GDAP1: variants seen among roughly 807,000 people sequenced by gnomAD.
The protein encoded by GDAP1 is ganglioside-induced differentiation-associated protein 1.
A neutral mutation model predicts 40.1 loss-of-function variants in GDAP1; 34 were observed. The observed-to-expected ratio is 0.85, with a 90% CI of 0.64 to 1.13. The LOEUF (loss-of-function observed/expected upper bound fraction) is 1.13, where lower values mean the gene tolerates loss of function less well. GDAP1 is among the 50% of genes most tolerant of loss of function. GDAP1 has a pLI of 0.00. For synonymous variants in GDAP1, 170 were observed against 157.4 expected (o/e 1.08, Z -0.60); for missense variants, 374 against 433.7 (o/e 0.86, Z 1.22).
At position 74,406,906 on chromosome 8, in the gene GDAP1, G is replaced by A. The variant is rs11776023; in HGVS notation, c.165+55585G>A. On this transcript the variant is annotated intron_variant, in intron 2 of 2. Transcript: ENST00000523640. ...GAATACCTGTTGGTAGCTGAGTGCA[G>A]TTAACTCACAAGGGAAGGTTTACTT... 2.7e-3 allele frequency among the ~76,000 whole-genome samples: 410 copies of A among 149,940 alleles called. 13 individuals carry two copies. Among genetic ancestry groups the A allele is most frequent in the Non-Finnish European group, 4.5e-3 (307 of 68,008 alleles).
chr8:74,480,462 G>T (rs1216484626), intron 2 of GDAP1, among the ~76,000 whole-genome samples: 1 of 152,182 alleles, frequency 6.6e-6, no homozygotes, highest in African/African-American at 2.4e-5. Context: ...TAGAATATTG[G>T]TTGCACAGGC....
intron 2 of GDAP1, among the ~76,000 whole-genome samples, chr8:74,422,284 CTTTT>C (rs1375897104): frequency 5.4e-4 from 48 of 88,098 alleles, no homozygotes; most frequent in Middle Eastern, 6.4e-3. Flanking sequence ...TTTCTTTTTT[CTTTT>C]CTTTCTTTCT....
intron 2 of GDAP1, among the ~76,000 whole-genome samples, chr8:74,457,846 G>C (rs942078597): frequency 2.0e-5 from 3 of 152,048 alleles, no homozygotes; most frequent in African/African-American, 7.2e-5. Flanking sequence ...AGTGATCAGA[G>C]GCAAATCTCT....
rs376868259 is a variant in GDAP1 at position 74,350,466 on chromosome 8, C to G, written c.5C>G (p.Ala2Gly). 7.4e-5 allele frequency: 119 copies of G among 1,605,354 alleles called. 1 individual carries two copies. The South Asian group carries it at 1.1e-3, about 15-fold the overall frequency. Residue 2 changes from alanine (A) to glycine (G), a missense_variant, in exon 1 of 6, where the codon GCT (alanine) becomes GGT (glycine). By Grantham distance (60) the Ala-to-Gly change is moderately conservative. Coordinates refer to ENST00000220822, the MANE Select transcript of GDAP1 (RefSeq NM_018972.4). MAERQEEQRGSP... is the reference protein window; with the variant it reads MGERQEEQRGSP... ...CCCGTGCTCGCGCACCCCAAGATGG[C>G]TGAGAGGCAGGAAGAGCAGAGAGGG...
At chr8:74,421,882 A>G (rs529046967) in intron 2 of GDAP1, among the ~76,000 whole-genome samples, 1 of 152,316 alleles carries the variant, frequency 6.6e-6, no homozygotes, top group East Asian at 1.9e-4. Context: ...TTTTGGATAC[A>G]TATGACTCAT....
intron 2 of GDAP1, among the ~76,000 whole-genome samples, chr8:74,423,430 G>C (rs967539382): frequency 2.7e-5 from 4 of 146,332 alleles, no homozygotes; most frequent in African/African-American, 9.9e-5. Flanking sequence ...ACTATTTATT[G>C]TATATATAAA....
At chr8:74,433,900 A>G (rs563266556) in intron 2 of GDAP1, among the ~76,000 whole-genome samples, 1 of 152,218 alleles carries the variant, frequency 6.6e-6, no homozygotes, top group Non-Finnish European at 1.5e-5. Context: ...CTCTGTGTGT[A>G]CTGTCAGACA....
At chr8:74,434,029 C>T (rs769462616) in intron 2 of GDAP1, among the ~76,000 whole-genome samples, 1 of 152,208 alleles carries the variant, frequency 6.6e-6, no homozygotes, top group African/African-American at 2.4e-5. Flanking sequence ...TAGGCTGGTA[C>T]TAATTTGTAC....
At position 74,463,795 on chromosome 8, in the gene GDAP1, T is replaced by C. The variant is rs16938911; in HGVS notation, c.166-24883T>C. 8.7e-3 allele frequency among the ~76,000 whole-genome samples: 1,318 copies of C among 152,330 alleles called. 16 individuals are homozygous for C. The highest frequency in any genetic ancestry group is 0.03 in the African/African-American group (1,248 of 41,574). The stretch of plus-strand genomic sequence containing the variant: ...CAATTACAAGAAAGCAATTCAGTAA[T>C]TGTAATAGTAATCAAAACTTCTGTG... On this transcript the variant is annotated intron_variant, in intron 2 of 2. Transcript: ENST00000523640.
intron 2 of GDAP1, among the ~76,000 whole-genome samples, chr8:74,401,311 C>T (rs1242963872): frequency 6.7e-6 from 1 of 149,406 alleles, no homozygotes; most frequent in Non-Finnish European, 1.5e-5. Context: ...TTTCATCTTC[C>T]ATCACTGATA....
chr8:74,416,929 G>GTTTTTTGT lies in GDAP1; in HGVS notation c.165+65614_165+65615insGTTTTTTT, dbSNP rs1805789988. The stretch of plus-strand genomic sequence containing the variant: ...TTTTTTTTTTGTTTTTTTGTTTTTT[G>GTTTTTTGT]TTTTTTTTTTTTTTAACAGAGGCAT... On this transcript the variant is annotated intron_variant, in intron 2 of 2. Transcript: ENST00000523640. Among the ~76,000 whole-genome samples the GTTTTTTGT allele has an allele frequency of 2.2e-5, 3 of 134,192 alleles. No individual in the cohort carries two copies. The East Asian group carries it at 6.2e-4, about 28-fold the overall frequency. The allele number at this position is 134,192 out of a possible 152,430, so 88.0% of individuals were successfully genotyped here.
rs1437994568 is a variant in GDAP1, at chr8:74,350,454, A to G, written c.-8A>G. On this transcript the variant is annotated 5_prime_UTR_variant, in exon 1 of 6. Transcript: ENST00000220822. ...AGGCTGGGCGCACCCGTGCTCGCGCACCCCAAGATGGCTGAGAGGCAGGAA... is the reference window on the plus strand; with the variant it reads ...AGGCTGGGCGCACCCGTGCTCGCGCGCCCCAAGATGGCTGAGAGGCAGGAA... 1.9e-6 allele frequency: 3 copies of G among 1,574,666 alleles called. No individual in the cohort carries two copies. Among genetic ancestry groups the G allele is most frequent in the Non-Finnish European group, 2.6e-6 (3 of 1,145,724 alleles).
At chr8:74,463,812 A>T (rs6999568) in intron 2 of GDAP1, among the ~76,000 whole-genome samples, 152,274 of 152,360 alleles carry the variant, frequency 1, 76,094 homozygotes, top group Non-Finnish European at 1. Context: ...AGTAATCAAA[A>T]CTTCTGTGTA....
intron 5 of GDAP1, 40 bp downstream of exon 5, chr8:74,363,093 A>G (rs981619328): frequency 4.4e-6 from 4 of 911,066 alleles, no homozygotes; most frequent in Non-Finnish European, 7.4e-6. Flanking sequence ...TTTCAACATC[A>G]GTATTATTCA....
chr8:74,446,302 A>G (rs1268543276), intron 2 of GDAP1, among the ~76,000 whole-genome samples: 1 of 152,146 alleles, frequency 6.6e-6, no homozygotes, highest in Admixed American at 6.6e-5. Flanking sequence ...GACATAATAA[A>G]GCAACAGAAA....
At chr8:74,412,260 T>C (rs1805724679) in intron 2 of GDAP1, among the ~76,000 whole-genome samples, 2 of 150,058 alleles carry the variant, frequency 1.3e-5, no homozygotes, top group Non-Finnish European at 1.5e-5. Context: ...ATTTTGTGTA[T>C]GTAACACAAA....
At chr8:74,394,095 C>T (rs1248406718) in intron 2 of GDAP1, among the ~76,000 whole-genome samples, 1 of 152,164 alleles carries the variant, frequency 6.6e-6, no homozygotes, top group East Asian at 1.9e-4. Context: ...TAAAGTTCCA[C>T]ATGGCTGGGG....
intron 2 of GDAP1, among the ~76,000 whole-genome samples, chr8:74,479,364 G>A (rs72665492): frequency 0.074 from 11,307 of 152,000 alleles, 737 homozygotes; most frequent in African/African-American, 0.18. Context: ...GATATTTTAT[G>A]TCCTTACCTA....
chr8:74,465,792 T>A (rs377465541), intron 2 of GDAP1, among the ~76,000 whole-genome samples: 12 of 144,812 alleles, frequency 8.3e-5, no homozygotes, highest in South Asian at 2.3e-4. Flanking sequence ...TTTTTTTTTT[T>A]AATCAATTTA....
Sources: allele counts gnomAD v4.1 joint callset (sites outside exome capture counted in the v4.1 genomes callset), GRCh38; gene constraint gnomAD v4.1.1; transcripts MANE v1.5; gene names NCBI Gene and HGNC (gene_info 2026-07-23, HGNC 2026-07-21).